Variants in DGKI observed in about 807,000 individuals in gnomAD.
DGKI encodes the protein diacylglycerol kinase iota, also known as DAG kinase iota.
Under a neutral mutation model 147.5 loss-of-function variants are expected in DGKI, and 55 were observed. The observed-to-expected ratio is 0.37, with a 90% CI of 0.30 to 0.47. The LOEUF is 0.47. Among genes scored for constraint, DGKI ranks in the 20% least tolerant of loss-of-function variants. The pLI is 1.00. For synonymous variants in DGKI, 469 were observed against 477.1 expected, an observed-to-expected ratio of 0.98 and a Z score of 0.22; for missense variants, 1,007 against 1,323.8, an observed-to-expected ratio of 0.76 and a Z score of 3.71.
chr7:137,393,424 G>A (rs926873626), intron 32 of DGKI, among the ~76,000 whole-genome samples: 1 of 152,110 alleles, frequency 6.6e-6, no homozygotes, highest in African/African-American at 2.4e-5. Context: ...TGAGTTGAGT[G>A]TAGGACCAGC....
chr7:137,698,307 A>C (rs1325902707), intron 1 of DGKI, among the ~76,000 whole-genome samples: 1 of 152,156 alleles, frequency 6.6e-6, no homozygotes. Context: ...TTCTGATTGG[A>C]AACAGACTCT....
At chr7:137,412,381 G>A (rs907975501) in intron 28 of DGKI, among the ~76,000 whole-genome samples, 174 bp from the exon 29 acceptor site, 1 of 152,090 alleles carries the variant, frequency 6.6e-6, no homozygotes, top group Non-Finnish European at 1.5e-5. Context: ...CCCCACCCAG[G>A]TACCCATTCC....
chr7:137,413,493 A>T (rs1812243912), intron 28 of DGKI, among the ~76,000 whole-genome samples: 1 of 151,988 alleles, frequency 6.6e-6, no homozygotes, highest in Non-Finnish European at 1.5e-5. Context: ...GTCCATGAGT[A>T]CCCAAGATTT....
At chr7:137,798,512 C>A (rs1254860999) in intron 1 of DGKI, among the ~76,000 whole-genome samples, 1 of 152,160 alleles carries the variant, frequency 6.6e-6, no homozygotes, top group African/African-American at 2.4e-5. Context: ...GCCTCAACTT[C>A]CTGGGCTCCT....
At chr7:137,517,325 AAGAAAG>A (rs1563064020) in intron 21 of DGKI, among the ~76,000 whole-genome samples, 1 of 137,580 alleles carries the variant, frequency 7.3e-6, no homozygotes, top group Non-Finnish European at 1.6e-5. Context: ...GAAAGAAAGA[AAGAAAG>A]AAAGAAAGAG....
At position 137,638,626 on chromosome 7, in the gene DGKI, A is replaced by ATGTATT. The variant is rs1356983074; in HGVS notation, c.804+6845_804+6846insAATACA. ...TGTATATATATACACACACACATAT[A>ATGTATT]TATGTGTGTATATATGTGTATGTAT... On this transcript the variant is annotated intron_variant, in intron 6 of 32. Transcript: ENST00000614521. Among the ~76,000 whole-genome samples, 2 of 9,190 alleles carry ATGTATT rather than the reference A, an allele frequency of 2.2e-4. 1 individual carries two copies. The highest frequency in any genetic ancestry group is 3.6e-4 in the Non-Finnish European group (2 of 5,522). 6.0% of individuals were successfully genotyped at this position (9,190 alleles called of 152,430 possible).
chr7:137,533,645 G>C (rs1040421008), intron 20 of DGKI, among the ~76,000 whole-genome samples: 7 of 152,078 alleles, frequency 4.6e-5, no homozygotes, highest in Non-Finnish European at 8.8e-5. Flanking sequence ...GTCCCAATTA[G>C]AGGACATAGC....
chr7:137,752,176 G>A (rs1333168107), intron 1 of DGKI, among the ~76,000 whole-genome samples: 1 of 151,962 alleles, frequency 6.6e-6, no homozygotes, highest in Non-Finnish European at 1.5e-5. Flanking sequence ...GTTGTGGGGG[G>A]AGCAAAGAGG....
intron 1 of DGKI, among the ~76,000 whole-genome samples, chr7:137,821,433 A>C (rs1452009522): frequency 2.6e-5 from 4 of 152,102 alleles, no homozygotes. Flanking sequence ...ACCTAAAAAA[A>C]CTCTTAAAAG....
rs1191298599 is a variant in DGKI, at chr7:137,609,051, C to T, written c.1082G>A (p.Gly361Asp). 2 of 1,613,184 alleles carry T rather than the reference C, an allele frequency of 1.2e-6. No homozygotes were observed. Among genetic ancestry groups the T allele is most frequent in the Non-Finnish European group, 1.7e-6 (2 of 1,179,450 alleles). The change falls in exon 10 of 33, where the codon GGT becomes GAT. Residue 361 changes from glycine to aspartate, a missense_variant. This residue lies in a region of DGKI where 259 missense variants were observed against 362.5 expected (regional missense o/e 0.71). Coordinates refer to ENST00000614521, the MANE Select transcript of DGKI (RefSeq NM_001321708.2). ...SKRGMEQENKGRPFVIKPISS... is the reference protein window; with the variant it reads ...SKRGMEQENKDRPFVIKPISS... ...GATGGGTTTTATCACAAAAGGACGA[C>T]CTTTGTTTTCCTGCTGAAAGAAGCA...
intron 8 of DGKI, among the ~76,000 whole-genome samples, chr7:137,615,529 GTA>G (rs753996298): frequency 0.034 from 4,571 of 135,856 alleles, 74 homozygotes; most frequent in Non-Finnish European, 0.038. Flanking sequence ...GTATATGTAT[GTA>G]TGTGTGTGTG....
At chr7:137,551,135 G>A (rs1346444489) in intron 20 of DGKI, among the ~76,000 whole-genome samples, 1 of 152,148 alleles carries the variant, frequency 6.6e-6, no homozygotes, top group African/African-American at 2.4e-5. Context: ...AAATGATCTA[G>A]GAAAAATTCT....
intron 29 of DGKI, 92 bp from the exon 30 acceptor site, chr7:137,408,087 C>A: frequency 6.8e-7 from 1 of 1,478,032 alleles, no homozygotes; most frequent in South Asian, 1.2e-5. Context: ...ATGTAGCAGA[C>A]CACAATGTTT....
intron 1 of DGKI, among the ~76,000 whole-genome samples, chr7:137,781,711 G>A (rs1182895663): frequency 6.6e-6 from 1 of 152,156 alleles, no homozygotes; most frequent in Non-Finnish European, 1.5e-5. Context: ...TGAATTATCT[G>A]GTGTTTTTAA....
rs1240910990 is a variant in DGKI, at chr7:137,391,098, A to G, written c.*122T>C. On this transcript the variant is annotated 3_prime_UTR_variant, in exon 33 of 33. Transcript: ENST00000614521. Reference sequence around the variant, plus strand: ...AAAAGCTAGTGGCATGGTCTCAGGTAGATTCTTGCAGGAGAGAGACAGATA... The same window carrying G: ...AAAAGCTAGTGGCATGGTCTCAGGTGGATTCTTGCAGGAGAGAGACAGATA... 3.7e-6 allele frequency: 3 copies of G among 803,520 alleles called. No homozygotes were observed. The highest frequency in any genetic ancestry group is 2.9e-5 in the South Asian group (2 of 69,120). The allele number at this position is 803,520 out of a possible 1,614,324, so 49.8% of individuals were successfully genotyped here.
At chr7:137,693,321 A>G (rs575858192) in intron 1 of DGKI, among the ~76,000 whole-genome samples, 49 of 152,170 alleles carry the variant, frequency 3.2e-4, no homozygotes, top group Non-Finnish European at 5.9e-4. Context: ...CAGCAAAACC[A>G]TGAAATGCCA....
At chr7:137,558,470 G>A (rs554888321) in intron 19 of DGKI, among the ~76,000 whole-genome samples, 2 of 152,256 alleles carry the variant, frequency 1.3e-5, no homozygotes, top group Admixed American at 1.3e-4. Flanking sequence ...TAGAGACAGG[G>A]TTTCGCCATG....
rs1010074610 is a variant in DGKI at position 137,619,693 on chromosome 7, T to C, written c.993+131A>G. The C allele has an allele frequency of 1.9e-5, 13 of 693,528 alleles. 1 individual carries two copies. Among genetic ancestry groups the C allele is most frequent in the African/African-American group, 1.6e-4 (9 of 56,158 alleles). 43.0% of individuals were successfully genotyped at this position (693,528 alleles called of 1,614,324 possible). ...GGCCAATGGGATGAACTGAGGAAGC[T>C]AAGCACAGGGCCTTGGGGATGAGTG... On this transcript the variant is annotated intron_variant, in intron 8 of 32. Transcript: ENST00000614521.
chr7:137,717,795 G>A (rs1337428394), intron 1 of DGKI, among the ~76,000 whole-genome samples: 1 of 152,136 alleles, frequency 6.6e-6, no homozygotes, highest in Non-Finnish European at 1.5e-5. Flanking sequence ...TCTCACAAAG[G>A]CTTCTTACGT....
Sources: allele counts gnomAD v4.1 joint callset (sites outside exome capture counted in the v4.1 genomes callset), GRCh38; gene constraint gnomAD v4.1.1; regional missense constraint gnomAD v4.1.1; transcripts MANE v1.5; gene names NCBI Gene and HGNC (gene_info 2026-07-23, HGNC 2026-07-21).